The following FOXN3 variants were observed in gnomAD, a reference collection of about 807,000 sequenced individuals.
The protein encoded by FOXN3 is forkhead box N3, also known as forkhead box protein N3.
FOXN3 carries 7 observed loss-of-function variants against 38.4 expected under a neutral mutation model. That is an observed-to-expected ratio of 0.18 (90% confidence interval 0.10 to 0.34). The LOEUF (loss-of-function observed/expected upper bound fraction) is 0.34. Among genes scored for constraint, FOXN3 ranks in the 10% least tolerant of loss-of-function variants. The pLI is 1.00. For synonymous variants in FOXN3, 230 were observed against 242.2 expected (o/e 0.95, Z 0.47); for missense variants, 456 against 613.4 (o/e 0.74, Z 2.71).
At chr14:89,404,955 T>A (rs1447583116) in intron 2 of FOXN3, among the ~76,000 whole-genome samples, 4 of 152,098 alleles carry the variant, frequency 2.6e-5, no homozygotes, top group African/African-American at 4.8e-5. Flanking sequence ...TCCAAAAAAA[T>A]AATAATAATA....
intron 3 of FOXN3, among the ~76,000 whole-genome samples, chr14:89,288,752 ATATATATATATATATATG>A (rs1324489535): frequency 1.4e-4 from 12 of 84,200 alleles, no homozygotes; most frequent in Admixed American, 4.6e-4. Context: ...ATATATATAT[ATATATATATATATATATG>A]CTTGCACTGG....
chr14:89,328,768 A>C (rs1888152374), intron 3 of FOXN3, among the ~76,000 whole-genome samples: 1 of 152,256 alleles, frequency 6.6e-6, no homozygotes, highest in African/African-American at 2.4e-5. Flanking sequence ...AGGTAATTAC[A>C]TCACAGATAA....
chr14:89,288,670 TTCTCTCTCTCTCTC>T (rs1202531466), intron 3 of FOXN3, among the ~76,000 whole-genome samples: 12 of 54,136 alleles, frequency 2.2e-4, no homozygotes, highest in South Asian at 1.1e-3. Context: ...GGCACTCTCT[TTCTCTCTCTCTCTC>T]TCTCTCTCTC....
At chr14:89,253,768 G>A (rs770090237) in intron 4 of FOXN3, among the ~76,000 whole-genome samples, 48 of 152,202 alleles carry the variant, frequency 3.2e-4, no homozygotes, top group Non-Finnish European at 5.0e-4. Flanking sequence ...CCATCACTGC[G>A]TTTTTCAAGA....
At chr14:89,546,415 C>T (rs1418636249) in intron 1 of FOXN3, among the ~76,000 whole-genome samples, 14 of 141,242 alleles carry the variant, frequency 9.9e-5, no homozygotes, top group Admixed American at 3.0e-4. Flanking sequence ...CTGCAAGCTC[C>T]GCCTCCCGGG....
chr14:89,390,005 C>T (rs929762124), intron 2 of FOXN3, among the ~76,000 whole-genome samples: 5 of 151,928 alleles, frequency 3.3e-5, no homozygotes, highest in African/African-American at 1.2e-4. Flanking sequence ...AGATCACATG[C>T]ACTCAGGAGT....
chr14:89,511,411 G>T (rs971659180), intron 1 of FOXN3, among the ~76,000 whole-genome samples: 1 of 150,834 alleles, frequency 6.6e-6, no homozygotes, highest in African/African-American at 2.4e-5. Context: ...TCCCACCTAA[G>T]CCCCCTGAGT....
intron 3 of FOXN3, among the ~76,000 whole-genome samples, chr14:89,297,317 C>T (rs1344185973): frequency 2.0e-5 from 3 of 151,862 alleles, no homozygotes; most frequent in Non-Finnish European, 4.4e-5. Context: ...AATCCCAACA[C>T]TTTGGGAAGC....
chr14:89,333,404 C>T (rs12880394), intron 3 of FOXN3: 26,529 of 144,148 alleles, frequency 0.18, 2,726 homozygotes, highest in South Asian at 0.3. Flanking sequence ...GGTGAGAGAG[C>T]GAGACTCCGT....
chr14:89,193,352 G>A (rs778232733), intron 4 of FOXN3, among the ~76,000 whole-genome samples: 7 of 152,058 alleles, frequency 4.6e-5, no homozygotes, highest in Non-Finnish European at 8.8e-5. Context: ...GGAAATTGTA[G>A]AGGGACACAA....
At position 89,162,353 on chromosome 14, in the gene FOXN3, A is replaced by C; in HGVS notation, c.*61T>G. ...TGCTGATATTGCCACAAATCATTAGAAATCTCCTGACATGCTGAAACCAAA... is the reference window on the plus strand; with the variant it reads ...TGCTGATATTGCCACAAATCATTAGCAATCTCCTGACATGCTGAAACCAAA... On this transcript the variant is annotated 3_prime_UTR_variant, in exon 6 of 6. Transcript: ENST00000557258. The surrounding 1 kb of genome is among the most constrained non-coding windows in gnomAD (Gnocchi z 7.2). 7.3e-7 allele frequency: 1 copy of C among 1,362,766 alleles called. No homozygotes were observed. 84.4% of individuals were successfully genotyped at this position (1,362,766 alleles called of 1,614,324 possible). A position where few individuals can be genotyped will look rare whatever the true frequency, so the allele number is the denominator to read the frequency against.
intron 1 of FOXN3, among the ~76,000 whole-genome samples, chr14:89,476,456 T>C (rs576443714): frequency 4.6e-5 from 7 of 152,342 alleles, no homozygotes; most frequent in South Asian, 2.1e-4. Flanking sequence ...GTGTACTATG[T>C]TGACACCACC....
intron 2 of FOXN3, among the ~76,000 whole-genome samples, chr14:89,381,100 C>A (rs28374513): frequency 0.071 from 10,122 of 142,388 alleles, 723 homozygotes; most frequent in African/African-American, 0.19. Context: ...CAAGATCATG[C>A]CATTGCACTC....
chr14:89,273,615 T>A (rs1886217987), intron 4 of FOXN3, among the ~76,000 whole-genome samples: 1 of 152,236 alleles, frequency 6.6e-6, no homozygotes, highest in African/African-American at 2.4e-5. Context: ...AGCCTTCTTT[T>A]AAAATTGCAT....
intron 2 of FOXN3, among the ~76,000 whole-genome samples, chr14:89,360,296 G>A (rs1209078437): frequency 6.7e-6 from 1 of 150,094 alleles, no homozygotes; most frequent in African/African-American, 2.4e-5. Flanking sequence ...GGAAGAGAGA[G>A]GGATGGAGAG....
At chr14:89,396,940 GA>G (rs1753661432) in intron 2 of FOXN3, among the ~76,000 whole-genome samples, 1 of 150,906 alleles carries the variant, frequency 6.6e-6, no homozygotes, top group Admixed American at 6.6e-5. Flanking sequence ...TAAAGCTATG[GA>G]AAATCAGCGA....
rs550439420 is a variant in FOXN3 at position 89,516,752 on chromosome 14, A to G, written c.-15+102276T>C. 4.6e-5 allele frequency among the ~76,000 whole-genome samples: 7 copies of G among 152,072 alleles called. No homozygotes were observed. The South Asian group carries it at 1.5e-3, about 32-fold the overall frequency. The stretch of plus-strand genomic sequence containing the variant: ...AATTTTTTTTATTTGTTGTAGTAAC[A>G]GGGTTTTGCCATGTTGCCCAGGCTG... On this transcript the variant is annotated intron_variant, in intron 1 of 6. Transcript: ENST00000345097.
intron 1 of FOXN3, among the ~76,000 whole-genome samples, chr14:89,554,782 C>CATTTTTT (rs1895078509): frequency 1.5e-5 from 1 of 68,590 alleles, no homozygotes; most frequent in African/African-American, 5.1e-5. Flanking sequence ...ACTAGCATTT[C>CATTTTTT]TTTTTTTTTT....
intron 1 of FOXN3, among the ~76,000 whole-genome samples, chr14:89,555,881 G>GTGT (rs374731979): frequency 1.7e-5 from 2 of 115,464 alleles, no homozygotes; most frequent in African/African-American, 2.7e-5. Context: ...GTGTGTATGT[G>GTGT]GGGGTGTATG....
Sources: gnomAD v4.1 joint callset for allele counts (sites outside exome capture counted in the v4.1 genomes callset) on GRCh38, gnomAD v4.1.1 for gene constraint, Gnocchi (gnomAD v3.1) non-coding constraint, MANE v1.5 for transcripts, NCBI Gene and HGNC (gene_info 2026-07-23, HGNC 2026-07-21) for gene names.